SPTBN4: variants seen among roughly 807,000 people sequenced by gnomAD.
SPTBN4 encodes spectrin beta chain, non-erythrocytic 4.
A neutral mutation model predicts 277.8 loss-of-function variants in SPTBN4; 96 were observed. The ratio of observed to expected loss-of-function variants is 0.35; its 90% CI spans 0.29 to 0.41. The LOEUF (loss-of-function observed/expected upper bound fraction) is 0.41, where lower values mean the gene tolerates loss of function less well. Among genes scored for constraint, SPTBN4 ranks in the 10% least tolerant of loss-of-function variants. The pLI is 1.00. For missense variants in SPTBN4, 3,006 were observed against 3,595.7 expected, an observed-to-expected ratio of 0.84 and a Z score of 4.19; for synonymous variants, 1,481 against 1,580.3, an observed-to-expected ratio of 0.94 and a Z score of 1.49.
chr19:40,529,270 G>C lies in SPTBN4; in HGVS notation c.3948+139G>C, dbSNP rs1198489402. On this transcript the variant is annotated intron_variant, in intron 18 of 35. Transcript: ENST00000598249. ...CTCGCTCTAAGCCGCCAGGGGGCGC[G>C]CGGAGCCGGGTCTCAGTGCGCATGC... is the stretch of plus-strand genomic sequence containing the variant. 5.4e-6 allele frequency: 4 copies of C among 746,820 alleles called. No individual in the cohort carries two copies. The East Asian group carries it at 1.2e-4, about 22-fold the overall frequency. 46.3% of individuals were successfully genotyped at this position (746,820 alleles called of 1,614,324 possible).
chr19:40,564,089 TCAC>T (rs2081069795), intron 27 of SPTBN4, among the ~76,000 whole-genome samples: 1 of 151,408 alleles, frequency 6.6e-6, no homozygotes, highest in Non-Finnish European at 1.5e-5. Flanking sequence ...GTGCGGTGGC[TCAC>T]GCCTGTAATC....
At chr19:40,513,662 A>G (rs939764101) in intron 14 of SPTBN4, 108 bp downstream of exon 14, 1 of 1,170,242 alleles carries the variant, frequency 8.5e-7, no homozygotes, top group African/African-American at 1.6e-5. Context: ...AGGAGTTCCA[A>G]TCCCTGCTTC....
intron 32 of SPTBN4, 128 bp downstream of exon 32, chr19:40,569,854 A>ATGGACTCTC: frequency 1.2e-6 from 1 of 852,024 alleles, no homozygotes; most frequent in Non-Finnish European, 1.7e-6. Context: ...CAGAGACAGC[A>ATGGACTCTC]TGGACTCTCA....
intron 13 of SPTBN4, among the ~76,000 whole-genome samples, chr19:40,509,675 G>T (rs549156709): frequency 1.2e-4 from 18 of 152,336 alleles, no homozygotes; most frequent in Admixed American, 2.6e-4. Context: ...AGAGGGTCTT[G>T]AGGCTGGTCC....
chr19:40,490,294 GGAAA>G lies in SPTBN4; in HGVS notation c.495+48_495+51del. 6.3e-7 allele frequency: 1 copy of G among 1,578,478 alleles called. No homozygotes were observed. The highest frequency in any genetic ancestry group is 1.1e-5 in the South Asian group (1 of 87,126). ...GCCAAGCCCCGCAACATGGGACTTA[GGAAA>G]GCGTTCCCCACCATTTACCCATTCA... is the stretch of plus-strand genomic sequence containing the variant. On this transcript the variant is annotated intron_variant, in intron 4 of 35. Transcript: ENST00000598249. This position sits in a 1 kb window ranked among gnomAD's most constrained non-coding sequence, Gnocchi z 4.3.
intron 31 of SPTBN4, among the ~76,000 whole-genome samples, chr19:40,568,730 C>A (rs1210986406): frequency 2.0e-5 from 3 of 152,166 alleles, no homozygotes; most frequent in African/African-American, 4.8e-5. Flanking sequence ...ATGACTAGGG[C>A]AACTGAGGCA....
chr19:40,513,734 C>T (rs574509851), intron 14 of SPTBN4, among the ~76,000 whole-genome samples, 180 bp downstream of exon 14: 3 of 152,294 alleles, frequency 2.0e-5, no homozygotes, highest in East Asian at 1.9e-4. Flanking sequence ...CTCAGCTTGC[C>T]CACCTGTATA....
At chr19:40,530,776 G>C in intron 18 of SPTBN4, 2 of 169,372 alleles carry the variant, frequency 1.2e-5, no homozygotes, top group Non-Finnish European at 2.4e-5. Flanking sequence ...AGCTGTCCGC[G>C]GTGCTGGCGC....
intron 2 of SPTBN4, among the ~76,000 whole-genome samples, chr19:40,474,983 C>T (rs1197430030): frequency 6.6e-6 from 1 of 152,068 alleles, no homozygotes; most frequent in Non-Finnish European, 1.5e-5. Context: ...AACCCTCCCA[C>T]CTCGGCCTCC....
chr19:40,572,070 C>T lies in SPTBN4; in HGVS notation c.7371C>T (p.Tyr2457=). The change falls in exon 34 of 36, where the codon TAC becomes TAT. Residue 2457 remains tyrosine (Y), a synonymous_variant. Coordinates refer to ENST00000598249, the MANE Select transcript of SPTBN4 (RefSeq NM_020971.3). The stretch of plus-strand genomic sequence containing the variant: ...TTAGTAAGGGGGAACTGGGCTTCTA[C>T]AAGGACTCCAAGGGCCCGGCATCCG... The part of the protein sequence containing the change: ...CVLSKGELGF[Y]KDSKGPASGS... 2.5e-6 allele frequency: 4 copies of T among 1,610,804 alleles called. No homozygotes were observed. The highest frequency in any genetic ancestry group is 3.4e-6 in the Non-Finnish European group (4 of 1,178,512).
At chr19:40,475,293 C>T (rs537386986) in intron 2 of SPTBN4, among the ~76,000 whole-genome samples, 8 of 152,014 alleles carry the variant, frequency 5.3e-5, no homozygotes, top group Non-Finnish European at 1.0e-4. Flanking sequence ...GGGACCTTAA[C>T]ATCTTAGAAA....
chr19:40,504,025 C>A lies in SPTBN4; in HGVS notation c.1558C>A (p.Leu520Ile). 3 of 1,613,920 alleles carry A rather than the reference C, an allele frequency of 1.9e-6. No individual in the cohort carries two copies. Among genetic ancestry groups the A allele is most frequent in the Middle Eastern group, 1.6e-4 (1 of 6,062 alleles). Residue 520 changes from leucine to isoleucine, a missense_variant, in exon 12 of 36, where the codon CTA becomes ATA. This residue lies in a region of SPTBN4 where 1,759 missense variants were observed against 2,061.5 expected (regional missense o/e 0.85). Transcript: ENST00000598249. ...CAGCGTCCTGCGCCAGTGGGCCCTGCTAACTGGGCTTGTGGGTGCCCGGCG... is the reference window on the plus strand; with the variant it reads ...CAGCGTCCTGCGCCAGTGGGCCCTGATAACTGGGCTTGTGGGTGCCCGGCG... ...RDSVLRQWALLTGLVGARRTR... is the reference protein window; with the variant it reads ...RDSVLRQWALITGLVGARRTR...
Position 40,560,335 on chromosome 19 carries a change from C to A in SPTBN4, c.5847C>A (p.Ser1949Arg). The change falls in exon 27 of 36, where the codon AGC becomes AGA. Residue 1949 changes from serine (S) to arginine (R), a missense_variant. Coordinates refer to ENST00000598249, the MANE Select transcript of SPTBN4 (RefSeq NM_020971.3). The surrounding 1 kb of genome is among the most constrained non-coding windows in gnomAD (Gnocchi z 5.2). ...CAGCCGACGCCCTGCGCTTCCACAG[C>A]CAAGTCCGCGACCTGCTCTCCTGGA... is the stretch of plus-strand genomic sequence containing the variant. ...SSTADALRFHSQVRDLLSWMD... is the reference protein window; with the variant it reads ...SSTADALRFHRQVRDLLSWMD... 1 of 1,614,154 alleles carries A rather than the reference C, an allele frequency of 6.2e-7. No individual in the cohort carries two copies.
chr19:40,550,435 A>G, intron 22 of SPTBN4, 108 bp downstream of exon 22: 1 of 988,848 alleles, frequency 1.0e-6, no homozygotes, highest in South Asian at 1.5e-5. Flanking sequence ...TTTTGGAATT[A>G]ACAAGACTGT....
intron 17 of SPTBN4, among the ~76,000 whole-genome samples, chr19:40,528,730 T>G (rs2080624788): frequency 1.3e-5 from 2 of 152,114 alleles, no homozygotes; most frequent in African/African-American, 4.8e-5. Flanking sequence ...TTTTTGTCCC[T>G]AGGTATGTCT....
intron 1 of SPTBN4, among the ~76,000 whole-genome samples, chr19:40,471,205 A>C (rs1208262836): frequency 1.3e-5 from 2 of 151,890 alleles, no homozygotes; most frequent in South Asian, 2.1e-4. Context: ...TCTCAGCCCC[A>C]AAAAGTGCTG....
chr19:40,537,032 C>T (rs528625900), intron 20 of SPTBN4, among the ~76,000 whole-genome samples: 118 of 151,792 alleles, frequency 7.8e-4, no homozygotes, highest in South Asian at 4.2e-3. Flanking sequence ...AAAACTAAAA[C>T]GGAGTCTGGC....
intron 35 of SPTBN4, among the ~76,000 whole-genome samples, chr19:40,574,115 C>CA (rs1568384379): frequency 1.3e-5 from 2 of 150,176 alleles, no homozygotes; most frequent in East Asian, 2.0e-4. Flanking sequence ...ACAAAACAAA[C>CA]AAACAAAACA....
In SPTBN4 at chr19:40,568,175, G is replaced by A. The variant is rs2081115889; in HGVS notation, c.6849G>A (p.Leu2283=). The A allele has an allele frequency of 6.3e-7, 1 of 1,588,476 alleles. No individual in the cohort carries two copies. The highest frequency in any genetic ancestry group is 8.6e-7 in the Non-Finnish European group (1 of 1,168,036). ...AEHEAAHSLT[L]GRYEQMERRR... ...ACGAGGCGGCACACAGCCTTACCCT[G>A]GGCCGCTATGAGCAGATGGAGCGGC... Residue 2283 remains leucine, a synonymous_variant, in exon 31 of 36, where the codon CTG becomes CTA. Coordinates refer to ENST00000598249, the MANE Select transcript of SPTBN4 (RefSeq NM_020971.3).
Sources: gnomAD v4.1 joint callset for allele counts (sites outside exome capture counted in the v4.1 genomes callset) on GRCh38, gnomAD v4.1.1 for gene constraint, gnomAD v4.1.1 regional missense constraint, Gnocchi (gnomAD v3.1) non-coding constraint, MANE v1.5 for transcripts, NCBI Gene and HGNC (gene_info 2026-07-23, HGNC 2026-07-21) for gene names.